The following DLGAP2 variants were observed in gnomAD, a reference collection of about 807,000 sequenced individuals.
DLGAP2 encodes disks large-associated protein 2.
DLGAP2 carries 26 observed loss-of-function variants against 100.3 expected under a neutral mutation model. The observed-to-expected ratio is 0.26, with a 90% CI of 0.19 to 0.36. DLGAP2 has a LOEUF of 0.36. Among genes scored for constraint, DLGAP2 ranks in the 10% least tolerant of loss-of-function variants. The pLI is 1.00. For synonymous variants in DLGAP2, 886 were observed against 630.1 expected (o/e 1.41, Z -6.08); for missense variants, 1,858 against 1,453.2 (o/e 1.28, Z -4.53).
At chr8:1,569,136 GC>G (rs1346058880) in intron 6 of DLGAP2, among the ~76,000 whole-genome samples, 5 of 148,462 alleles carry the variant, frequency 3.4e-5, no homozygotes, top group Non-Finnish European at 7.5e-5. Flanking sequence ...AATCCACTCT[GC>G]CCGTGGCCCC....
chr8:1,592,931 C>G (rs1366339747), intron 6 of DLGAP2, among the ~76,000 whole-genome samples: 2 of 152,148 alleles, frequency 1.3e-5, no homozygotes, highest in Admixed American at 6.5e-5. Context: ...CTTTGATTAT[C>G]TAAAATCACA....
chr8:871,674 A>T (rs1585956607), intron 1 of DLGAP2, among the ~76,000 whole-genome samples: 1 of 152,134 alleles, frequency 6.6e-6, no homozygotes, highest in African/African-American at 2.4e-5. Flanking sequence ...ATTCAACCAG[A>T]TAAGTATAGT....
At chr8:1,262,867 T>C (rs915143634) in intron 3 of DLGAP2, among the ~76,000 whole-genome samples, 1 of 151,796 alleles carries the variant, frequency 6.6e-6, no homozygotes. Context: ...TTATGGACAT[T>C]GGGTGGGGCC....
At chr8:994,038 C>T (rs899625756) in intron 2 of DLGAP2, among the ~76,000 whole-genome samples, 2 of 152,060 alleles carry the variant, frequency 1.3e-5, no homozygotes, top group Non-Finnish European at 2.9e-5. Context: ...TGCACTTAAA[C>T]CCAGCAGGCG....
chr8:892,388 A>G (rs1798053541), intron 1 of DLGAP2, among the ~76,000 whole-genome samples: 1 of 152,092 alleles, frequency 6.6e-6, no homozygotes, highest in South Asian at 2.1e-4. Context: ...CGAAATCCCG[A>G]CGAGGCTATG....
intron 3 of DLGAP2, among the ~76,000 whole-genome samples, chr8:1,469,704 T>C (rs73534691): frequency 6.6e-6 from 1 of 152,140 alleles, no homozygotes; most frequent in South Asian, 2.1e-4. Context: ...AGAATTCTTT[T>C]TTGTATTAAA....
At chr8:1,312,744 C>G (rs565697136) in intron 3 of DLGAP2, among the ~76,000 whole-genome samples, 1 of 152,184 alleles carries the variant, frequency 6.6e-6, no homozygotes, top group African/African-American at 2.4e-5. Flanking sequence ...AGTTAATTAA[C>G]TTGGAATTCA....
At position 1,660,554 on chromosome 8, in the gene DLGAP2, C is replaced by T. The variant is rs192958823; in HGVS notation, c.1811-7775C>T. The stretch of plus-strand genomic sequence containing the variant: ...TAAAAATGCGTCTGGTATCTGCATA[C>T]CTGGAAGTTTTTATGTGTATTGCTA... On this transcript the variant is annotated intron_variant, in intron 8 of 14. Transcript: ENST00000637795. 1.3e-3 allele frequency among the ~76,000 whole-genome samples: 198 copies of T among 152,302 alleles called. 1 individual carries two copies. The highest frequency in any genetic ancestry group is 4.5e-3 in the African/African-American group (189 of 41,566).
chr8:822,983 A>T (rs138508101), intron 1 of DLGAP2, among the ~76,000 whole-genome samples: 63 of 152,180 alleles, frequency 4.1e-4, no homozygotes, highest in African/African-American at 1.5e-3. Context: ...GAGATTTGTC[A>T]AAGGGAAGAG....
chr8:1,523,065 G>C (rs529629127), intron 4 of DLGAP2, among the ~76,000 whole-genome samples: 2 of 152,350 alleles, frequency 1.3e-5, no homozygotes, highest in South Asian at 2.1e-4. Flanking sequence ...TCACACCCAG[G>C]CTGGGAACCT....
At chr8:1,600,544 C>G (rs1796592814) in intron 6 of DLGAP2, among the ~76,000 whole-genome samples, 1 of 152,158 alleles carries the variant, frequency 6.6e-6, no homozygotes, top group South Asian at 2.1e-4. Context: ...CACATTGTCC[C>G]ATATTTCTTG....
intron 3 of DLGAP2, among the ~76,000 whole-genome samples, chr8:1,427,410 A>G (rs1040272879): frequency 1.3e-5 from 2 of 152,256 alleles, no homozygotes; most frequent in South Asian, 2.1e-4. Context: ...TAAAGAATAA[A>G]TATGATGTGG....
At chr8:1,520,647 G>C (rs147482651) in intron 4 of DLGAP2, among the ~76,000 whole-genome samples, 3 of 152,152 alleles carry the variant, frequency 2.0e-5, no homozygotes, top group East Asian at 1.9e-4. Context: ...TTGTAGTTCT[G>C]CCTTTTCCAG....
intron 6 of DLGAP2, among the ~76,000 whole-genome samples, chr8:1,605,807 T>G (rs574231085): frequency 7.0e-4 from 107 of 152,344 alleles, no homozygotes; most frequent in Non-Finnish European, 1.3e-3. Context: ...TTGTCTGAAT[T>G]ATTAGTTTAT....
intron 1 of DLGAP2, among the ~76,000 whole-genome samples, chr8:809,187 G>T (rs1020932684): frequency 6.6e-6 from 1 of 152,150 alleles, no homozygotes; most frequent in African/African-American, 2.4e-5. Flanking sequence ...TTATAGATGT[G>T]AGCCACTGCG....
At chr8:800,805 A>C (rs1270566178) in intron 1 of DLGAP2, among the ~76,000 whole-genome samples, 1 of 152,054 alleles carries the variant, frequency 6.6e-6, no homozygotes, top group East Asian at 1.9e-4. Context: ...TTGTGCAGGC[A>C]GGGCTGTGAC....
intron 3 of DLGAP2, among the ~76,000 whole-genome samples, chr8:1,466,726 C>T (rs1209628664): frequency 2.0e-5 from 3 of 152,200 alleles, no homozygotes; most frequent in African/African-American, 7.2e-5. Context: ...ATGCAGCTCT[C>T]AGTGAGAGGA....
intron 2 of DLGAP2, among the ~76,000 whole-genome samples, chr8:1,091,328 T>C (rs1444004078): frequency 6.6e-6 from 1 of 152,242 alleles, no homozygotes; most frequent in Non-Finnish European, 1.5e-5. Context: ...TACAAAAATG[T>C]TCAGAAGCGT....
chr8:858,334 C>T (rs1264437593), intron 1 of DLGAP2, among the ~76,000 whole-genome samples: 1 of 152,254 alleles, frequency 6.6e-6, no homozygotes, highest in African/African-American at 2.4e-5. Flanking sequence ...TCGCAAAAGG[C>T]TACGCAATGT....
Sources: allele counts gnomAD v4.1 joint callset (sites outside exome capture counted in the v4.1 genomes callset), GRCh38; gene constraint gnomAD v4.1.1; transcripts MANE v1.5; gene names NCBI Gene and HGNC (gene_info 2026-07-23, HGNC 2026-07-21).